FBXO25: variants seen among roughly 807,000 people sequenced by gnomAD.
FBXO25 encodes the protein F-box only protein 25.
A neutral mutation model predicts 51.9 loss-of-function variants in FBXO25; 45 were observed. That is an observed-to-expected ratio of 0.87 (90% CI 0.68 to 1.11). The LOEUF (loss-of-function observed/expected upper bound fraction) is 1.11. Ranked by LOEUF, FBXO25 falls within the 50% of genes most tolerant of loss-of-function variation. The probability of loss-of-function intolerance (pLI) is 0.00; values close to 1 mark genes in which losing one functional copy is unlikely to be tolerated. For missense variants in FBXO25, 507 were observed against 428.5 expected (o/e 1.18, Z -1.62); for synonymous variants, 199 against 151.0 (o/e 1.32, Z -2.33).
chr8:428,771 C>T (rs1482496143), intron 2 of FBXO25, among the ~76,000 whole-genome samples: 2 of 152,148 alleles, frequency 1.3e-5, no homozygotes, highest in Admixed American at 6.6e-5. Context: ...TTCTGAGTAC[C>T]TCATATAAGT....
chr8:427,778 A>G (rs1373223776), intron 2 of FBXO25, among the ~76,000 whole-genome samples: 2 of 150,708 alleles, frequency 1.3e-5, no homozygotes, highest in South Asian at 2.1e-4. Flanking sequence ...GTTTTGTGAC[A>G]TATTTTACAG....
rs748897794 is a variant in FBXO25, at chr8:435,735, T to C, written c.381+28T>C. On this transcript the variant is annotated intron_variant, in intron 5 of 9. Coordinates refer to ENST00000350302, the MANE Select transcript of FBXO25 (RefSeq NM_183420.2). The stretch of plus-strand genomic sequence containing the variant: ...AAGTGTTCTATTTCAAAAACTACTT[T>C]GATGACTCTTTTGAACAACTATATT... 1.0e-5 allele frequency: 16 copies of C among 1,562,962 alleles called. No homozygotes were observed. The East Asian group carries it at 3.2e-4, about 31-fold the overall frequency.
intron 9 of FBXO25, chr8:467,685 C>G (rs748230367): frequency 6.2e-7 from 1 of 1,611,964 alleles, no homozygotes; most frequent in Non-Finnish European, 8.5e-7. Flanking sequence ...CCCTTCACTG[C>G]ATTCCTTCCT....
chr8:447,064 A>C lies in FBXO25; in HGVS notation c.382-2926A>C, dbSNP rs181201049. On this transcript the variant is annotated intron_variant, in intron 5 of 9. Transcript: ENST00000350302. ...ACTGAGCAGAAGGGCTTAGGCTAAC[A>C]AAAGCACTCGTCAGGGCCAGGTCTA... Among the ~76,000 whole-genome samples, 166 of 152,338 alleles carry C rather than the reference A, an allele frequency of 1.1e-3. 1 individual carries two copies. Among genetic ancestry groups the C allele is most frequent in the African/African-American group, 3.4e-3 (140 of 41,564 alleles).
intron 5 of FBXO25, among the ~76,000 whole-genome samples, chr8:440,614 T>G (rs1267678389): frequency 2.0e-5 from 3 of 151,954 alleles, no homozygotes; most frequent in African/African-American, 7.3e-5. Context: ...ATACTTTAAG[T>G]TCTGGTATAC....
chr8:408,173 G>T (rs1198285723), intron 1 of FBXO25, among the ~76,000 whole-genome samples: 2 of 152,088 alleles, frequency 1.3e-5, no homozygotes, highest in South Asian at 2.1e-4. Context: ...GATCAAATTT[G>T]TCCACACTTA....
intron 5 of FBXO25, among the ~76,000 whole-genome samples, chr8:440,484 G>A (rs1466853015): frequency 5.3e-5 from 8 of 152,176 alleles, no homozygotes; most frequent in East Asian, 1.9e-4. Flanking sequence ...CCTGACAGCC[G>A]TGAAGAGCTT....
chr8:468,142 C>T (rs908855205), intron 9 of FBXO25: 5 of 927,140 alleles, frequency 5.4e-6, no homozygotes, highest in Admixed American at 1.1e-4. Context: ...ATTTTTCTGT[C>T]GTCACTTCTC....
At chr8:407,930 A>G (rs997540150) in intron 1 of FBXO25, among the ~76,000 whole-genome samples, 3 of 152,190 alleles carry the variant, frequency 2.0e-5, no homozygotes, top group Non-Finnish European at 2.9e-5. Context: ...TTTGAAGACT[A>G]AAGAATCTAG....
At chr8:465,022 A>G (rs60696805) in intron 9 of FBXO25, among the ~76,000 whole-genome samples, 5,473 of 152,174 alleles carry the variant, frequency 0.036, 310 homozygotes, top group African/African-American at 0.12. Context: ...ACAGGAGAGA[A>G]CCCTCATTCT....
At position 477,045 on chromosome 8, in the gene FBXO25, A is replaced by C. The variant is rs1486624627; in HGVS notation, c.*8241A>C. 1 of 152,108 alleles carries C rather than the reference A, an allele frequency of 6.6e-6. No homozygotes were observed. Among genetic ancestry groups the C allele is most frequent in the African/African-American group, 2.4e-5 (1 of 41,418 alleles). 9.4% of individuals were successfully genotyped at this position (152,108 alleles called of 1,614,324 possible). A position where few individuals can be genotyped will look rare whatever the true frequency, so the allele number is the denominator to read the frequency against. ...AATTTCCCTTGTGAGTTCCCCATTA[A>C]TCTGCTGGTTGAGAGCGTTGTTTAA... On this transcript the variant is annotated 3_prime_UTR_variant, in exon 10 of 10. Transcript: ENST00000350302.
intron 2 of FBXO25, among the ~76,000 whole-genome samples, chr8:425,297 T>A (rs938701416): frequency 3.3e-5 from 5 of 152,076 alleles, no homozygotes; most frequent in Non-Finnish European, 5.9e-5. Flanking sequence ...AAATTTGATA[T>A]GTTTTTAAAG....
intron 2 of FBXO25, among the ~76,000 whole-genome samples, chr8:414,150 ATTTTAGTTACAGTGAGGAT>A (rs1170438459): frequency 1.3e-5 from 2 of 152,206 alleles, no homozygotes; most frequent in African/African-American, 4.8e-5. Flanking sequence ...TTAATTTTCC[ATTTTAGTTACAGTGAGGAT>A]AACACATAAT....
At position 474,394 on chromosome 8, in the gene FBXO25, T is replaced by A. The variant is rs539855262; in HGVS notation, c.*5590T>A. On this transcript the variant is annotated 3_prime_UTR_variant, in exon 10 of 10. Transcript: ENST00000350302. ...TTAGCTATTGTGAATATTGCTGCCG[T>A]AAACATGGGTGTGCAAATATCTGAG... is the stretch of plus-strand genomic sequence containing the variant. The A allele has an allele frequency of 2.8e-4, 76 of 270,006 alleles. 1 individual carries two copies. In the South Asian group the frequency reaches 2.8e-3, roughly 10 times the overall value. The allele number at this position is 270,006 out of a possible 1,614,324, so 16.7% of individuals were successfully genotyped here.
chr8:467,906 C>A, intron 9 of FBXO25: 1 of 1,496,434 alleles, frequency 6.7e-7, no homozygotes, highest in Non-Finnish European at 8.9e-7. Context: ...CCACTTTGAT[C>A]AAACACCTCA....
Position 473,866 on chromosome 8 carries a change from T to A in FBXO25, c.*5062T>A, listed in dbSNP as rs1800561923. On this transcript the variant is annotated 3_prime_UTR_variant, in exon 10 of 10. Transcript: ENST00000350302. The stretch of plus-strand genomic sequence containing the variant: ...TAATCATTTGAGAAACTTGCACAGA[T>A]GAAGGCAAGTTGGTTTTTATTATCT... The A allele has an allele frequency of 6.6e-6, 1 of 152,250 alleles. No homozygotes were observed. Among genetic ancestry groups the A allele is most frequent in the African/African-American group, 2.4e-5 (1 of 41,468 alleles). 9.4% of individuals were successfully genotyped at this position (152,250 alleles called of 1,614,324 possible). A position where few individuals can be genotyped will look rare whatever the true frequency, so the allele number is the denominator to read the frequency against.
At chr8:409,394 A>T (rs1322456866) in intron 1 of FBXO25, among the ~76,000 whole-genome samples, 2 of 152,072 alleles carry the variant, frequency 1.3e-5, no homozygotes, top group South Asian at 2.1e-4. Context: ...GCTGCATTTC[A>T]CTCCTTTCAA....
intron 2 of FBXO25, chr8:420,247 G>A (rs4045416): frequency 2.6e-5 from 4 of 152,332 alleles, no homozygotes; most frequent in South Asian, 2.1e-4. Flanking sequence ...AGAGGCCTAC[G>A]TCAGTAGCTA....
At chr8:463,761 G>GT (rs113613117) in intron 9 of FBXO25, among the ~76,000 whole-genome samples, 2,995 of 152,282 alleles carry the variant, frequency 0.02, 106 homozygotes, top group African/African-American at 0.068. Flanking sequence ...TCCAGACTGT[G>GT]TGTCTAAATA....
Sources: gnomAD v4.1 joint callset for allele counts (sites outside exome capture counted in the v4.1 genomes callset) on GRCh38, gnomAD v4.1.1 for gene constraint, MANE v1.5 for transcripts, NCBI Gene and HGNC (gene_info 2026-07-23, HGNC 2026-07-21) for gene names.